Variants in SAMD5 observed in about 807,000 individuals in gnomAD.
SAMD5 encodes the protein sterile alpha motif domain containing 5.
In SAMD5, 13 loss-of-function variants were observed where a neutral mutation model predicts 11.3. That is an observed-to-expected ratio of 1.15 (90% CI 0.75 to 1.83). SAMD5 has a LOEUF of 1.83. Among genes scored for constraint, SAMD5 ranks in the 40% most tolerant of loss-of-function variants. The pLI is 0.00. For missense variants in SAMD5, 255 were observed against 239.1 expected, an observed-to-expected ratio of 1.07 and a Z score of -0.44; for synonymous variants, 129 against 111.3, an observed-to-expected ratio of 1.16 and a Z score of -1.00.
chr6:147,789,278 A>ACACACACAC, the SAMD5 span, among the ~76,000 whole-genome samples: 1 of 141,106 alleles, frequency 7.1e-6, no homozygotes, highest in African/African-American at 2.6e-5. Flanking sequence ...TCTCTAGAAA[A>ACACACACAC]ACACACACAC....
At chr6:147,601,781 C>T (rs62434736) in intron 1 of SAMD5, among the ~76,000 whole-genome samples, 2 of 152,134 alleles carry the variant, frequency 1.3e-5, no homozygotes, top group African/African-American at 2.4e-5. Context: ...GGTATGTTGC[C>T]GGTCGACCCA....
Position 147,616,287 on chromosome 6 carries a change from A to ATTT in SAMD5, c.162+106900_162+106901insTTT, listed in dbSNP as rs527496896. Among the ~76,000 whole-genome samples, 207 of 107,016 alleles carry ATTT rather than the reference A, an allele frequency of 1.9e-3. 15 individuals are homozygous for ATTT. Among genetic ancestry groups the ATTT allele is most frequent in the African/African-American group, 0.015 (195 of 13,140 alleles). 70.2% of individuals were successfully genotyped at this position (107,016 alleles called of 152,430 possible). On this transcript the variant is annotated intron_variant, in intron 1 of 1. Transcript: ENST00000566741. ...ATTTCATATATATTTATTCATATAT[A>ATTT]CTTCATATATATTTCATATATATTT...
the SAMD5 span, among the ~76,000 whole-genome samples, chr6:147,877,616 A>G: frequency 2.6e-5 from 4 of 152,118 alleles, no homozygotes; most frequent in Middle Eastern, 3.2e-3. Context: ...GATGTGTTTA[A>G]TATTTAAATC....
the SAMD5 span, among the ~76,000 whole-genome samples, chr6:147,912,108 G>C: frequency 1.3e-5 from 2 of 152,048 alleles, no homozygotes; most frequent in Admixed American, 1.3e-4. Context: ...CAAGACAAAG[G>C]GTGGGGGAAA....
Position 147,568,710 on chromosome 6 carries a change from T to C in SAMD5, c.*4254T>C. ...TATTAGGCTTTCTCTTTTAGAGTTT[T>C]CTAATTTTACTCTTATTAGCTCCCT... On this transcript the variant is annotated 3_prime_UTR_variant, in exon 2 of 2. Coordinates refer to ENST00000367474, the MANE Select transcript of SAMD5 (RefSeq NM_001030060.3). 1 of 985,056 alleles carries C rather than the reference T, an allele frequency of 1.0e-6. No homozygotes were observed. Among genetic ancestry groups the C allele is most frequent in the Non-Finnish European group, 1.2e-6 (1 of 829,574 alleles). The allele number at this position is 985,056 out of a possible 1,614,324, so 61.0% of individuals were successfully genotyped here. A position where few individuals can be genotyped will look rare whatever the true frequency, so the allele number is the denominator to read the frequency against.
rs1373856831 is a variant in SAMD5, at chr6:147,509,124, G to A, written c.196G>A (p.Asp66Asn). ...GGCCGTGCGCCGGCTGCGGGAGCAGGACGCCAACGCCGCCGGCCTCTACTT... is the reference window on the plus strand; with the variant it reads ...GGCCGTGCGCCGGCTGCGGGAGCAGAACGCCAACGCCGCCGGCCTCTACTT... ...LEAVRRLREQ[D>N]ANAAGLYFTL... Residue 66 changes from aspartate (D) to asparagine (N), a missense_variant, in exon 1 of 2, where the codon GAC becomes AAC. Asp to Asn is a conservative substitution (Grantham distance 23, BLOSUM62 1). Coordinates refer to ENST00000367474, the MANE Select transcript of SAMD5 (RefSeq NM_001030060.3). 3 of 1,572,146 alleles carry A rather than the reference G, an allele frequency of 1.9e-6. No homozygotes were observed. The highest frequency in any genetic ancestry group is 1.7e-6 in the Non-Finnish European group (2 of 1,161,528).
At chr6:147,894,830 T>A in the SAMD5 span, among the ~76,000 whole-genome samples, 3 of 152,230 alleles carry the variant, frequency 2.0e-5, no homozygotes, top group African/African-American at 7.2e-5. Context: ...TTTTGGAAAC[T>A]ACCTCTCCAG....
At chr6:147,594,907 T>C (rs1789507206) in intron 1 of SAMD5, among the ~76,000 whole-genome samples, 1 of 152,256 alleles carries the variant, frequency 6.6e-6, no homozygotes, top group Admixed American at 6.5e-5. Flanking sequence ...TCCTCAGAAG[T>C]TGGTGATGCC....
At chr6:147,853,475 T>A in the SAMD5 span, among the ~76,000 whole-genome samples, 8 of 151,996 alleles carry the variant, frequency 5.3e-5, no homozygotes, top group Non-Finnish European at 8.8e-5. Flanking sequence ...TTAGGTTATA[T>A]TCCTGATCAG....
chr6:147,867,826 A>C, the SAMD5 span, among the ~76,000 whole-genome samples: 1 of 152,204 alleles, frequency 6.6e-6, no homozygotes, highest in Admixed American at 6.5e-5. Context: ...AGTCAGCTTA[A>C]AAAATTGGTG....
At chr6:147,523,470 A>G (rs1036326170) in intron 1 of SAMD5, among the ~76,000 whole-genome samples, 3 of 152,202 alleles carry the variant, frequency 2.0e-5, no homozygotes, top group Admixed American at 1.3e-4. Flanking sequence ...GAATGCACCC[A>G]ACACTTTCCA....
chr6:147,732,140 G>C (rs1374495124), intron 1 of SAMD5, among the ~76,000 whole-genome samples: 6 of 152,130 alleles, frequency 3.9e-5, no homozygotes, highest in Non-Finnish European at 8.8e-5. Context: ...TTGGATTTCA[G>C]AAAAAGGACC....
chr6:147,657,129 A>G (rs1005025622), intron 1 of SAMD5, among the ~76,000 whole-genome samples: 3 of 152,188 alleles, frequency 2.0e-5, no homozygotes, highest in African/African-American at 7.2e-5. Context: ...ACTGAAGTGA[A>G]AAAAGCTATG....
At chr6:147,544,616 C>T (rs940941301) in intron 1 of SAMD5, among the ~76,000 whole-genome samples, 1 of 152,114 alleles carries the variant, frequency 6.6e-6, no homozygotes, top group Non-Finnish European at 1.5e-5. Context: ...TTTATGCTGA[C>T]ATTGCAGGGT....
At chr6:147,909,571 T>TCTTTCTTTCTTC in the SAMD5 span, among the ~76,000 whole-genome samples, 1 of 53,410 alleles carries the variant, frequency 1.9e-5, no homozygotes, top group Admixed American at 2.2e-4. Flanking sequence ...TTTCTTTCTT[T>TCTTTCTTTCTTC]CTTTCTTTCT....
intron 1 of SAMD5, among the ~76,000 whole-genome samples, chr6:147,618,796 C>T (rs1789913713): frequency 6.6e-6 from 1 of 152,330 alleles, no homozygotes; most frequent in African/African-American, 2.4e-5. Flanking sequence ...TGACCTTTCC[C>T]CTTTTTACGA....
At chr6:147,559,828 C>T (rs1788919379) in intron 1 of SAMD5, among the ~76,000 whole-genome samples, 2 of 152,162 alleles carry the variant, frequency 1.3e-5, no homozygotes, top group African/African-American at 2.4e-5. Flanking sequence ...TATCAGGACA[C>T]GTGTGTATGC....
At chr6:147,736,338 A>T (rs1208511003) in intron 1 of SAMD5, among the ~76,000 whole-genome samples, 1 of 152,240 alleles carries the variant, frequency 6.6e-6, no homozygotes, top group Admixed American at 6.5e-5. Flanking sequence ...TCAAGAAATC[A>T]TAGCCATTTT....
chr6:147,727,309 G>A (rs1217735011), intron 1 of SAMD5, among the ~76,000 whole-genome samples: 2 of 152,142 alleles, frequency 1.3e-5, no homozygotes, highest in Non-Finnish European at 1.5e-5. Flanking sequence ...GAGCAGCAAC[G>A]TTTCCTCCTC....
Sources: allele counts gnomAD v4.1 joint callset (sites outside exome capture counted in the v4.1 genomes callset), GRCh38; gene constraint gnomAD v4.1.1; transcripts MANE v1.5; gene names NCBI Gene and HGNC (gene_info 2026-07-23, HGNC 2026-07-21).